The following CDC14B variants were observed in gnomAD, a reference collection of about 807,000 sequenced individuals.
CDC14B encodes the protein cell division cycle 14B, also known as dual specificity protein phosphatase CDC14B.
Under a neutral mutation model 64.2 loss-of-function variants are expected in CDC14B, and 22 were observed. The observed-to-expected ratio is 0.34, with a 90% CI of 0.24 to 0.49. The LOEUF (loss-of-function observed/expected upper bound fraction) is 0.49. Among genes scored for constraint, CDC14B ranks in the 20% least tolerant of loss-of-function variants. The probability of loss-of-function intolerance (pLI) is 0.99; values close to 1 mark genes in which losing one functional copy is unlikely to be tolerated. For synonymous variants in CDC14B, 191 were observed against 215.8 expected, an observed-to-expected ratio of 0.89 and a Z score of 1.01; for missense variants, 498 against 629.9, an observed-to-expected ratio of 0.79 and a Z score of 2.24.
intron 4 of CDC14B, 96 bp from the exon 5 acceptor site, chr9:96,551,968 G>A: frequency 1.4e-6 from 2 of 1,457,938 alleles, no homozygotes; most frequent in East Asian, 2.4e-5. Flanking sequence ...CCAACCAACT[G>A]AGCAGGGTTC....
At chr9:96,512,749 T>G (rs940414265) in intron 12 of CDC14B, among the ~76,000 whole-genome samples, 2 of 152,214 alleles carry the variant, frequency 1.3e-5, no homozygotes, top group African/African-American at 4.8e-5. Flanking sequence ...TCATTGCTAC[T>G]TCTGAAGCCC....
chr9:96,602,070 C>G (rs990405332), intron 1 of CDC14B, among the ~76,000 whole-genome samples: 4 of 151,882 alleles, frequency 2.6e-5, no homozygotes, highest in African/African-American at 9.7e-5. Context: ...AAAACAAAAA[C>G]AAAAACAAAA....
At chr9:96,568,545 C>G (rs961969196) in intron 1 of CDC14B, among the ~76,000 whole-genome samples, 5 of 152,154 alleles carry the variant, frequency 3.3e-5, no homozygotes, top group African/African-American at 1.2e-4. Flanking sequence ...CATCCGTCAC[C>G]TGTGGGTGGG....
intron 1 of CDC14B, 58 bp downstream of exon 1, chr9:96,619,161 G>C: frequency 8.3e-7 from 1 of 1,207,934 alleles, no homozygotes; most frequent in Non-Finnish European, 1.0e-6. Flanking sequence ...AGGTGGGCCA[G>C]GGCCCCGCGC....
intron 1 of CDC14B, among the ~76,000 whole-genome samples, chr9:96,579,756 G>T (rs1372050547): frequency 1.3e-5 from 2 of 152,108 alleles, no homozygotes; most frequent in African/African-American, 4.8e-5. Flanking sequence ...CTCCAGAATT[G>T]TAACAAAATA....
In CDC14B at chr9:96,551,867, T is replaced by C. The variant is rs1564316130; in HGVS notation, c.426A>G (p.Ile142Met). The change falls in exon 5 of 14, where the codon ATA becomes ATG. Residue 142 changes from isoleucine to methionine, a missense_variant. Ile to Met is a conservative substitution (Grantham distance 10). Coordinates refer to ENST00000375241, the MANE Select transcript of CDC14B (RefSeq NM_033331.4). Reference sequence around the variant, plus strand: ...CTTCTTCTGGGGTTCTCCCCAAATATATAACCTATGTTTGAAAAAAGAAGA... The same window carrying C: ...CTTCTTCTGGGGTTCTCCCCAAATACATAACCTATGTTTGAAAAAAGAAGA... ...AAFLVGCYMV[I>M]YLGRTPEEAY... 3 of 1,606,810 alleles carry C rather than the reference T, an allele frequency of 1.9e-6. No individual in the cohort carries two copies. Among genetic ancestry groups the C allele is most frequent in the Non-Finnish European group, 2.5e-6 (3 of 1,177,084 alleles).
intron 9 of CDC14B, among the ~76,000 whole-genome samples, chr9:96,533,301 C>T (rs1024885802): frequency 6.6e-6 from 1 of 152,178 alleles, no homozygotes; most frequent in African/African-American, 2.4e-5. Flanking sequence ...ATAGGCTATA[C>T]TTTCCTGTTT....
chr9:96,569,367 CA>C (rs57211203), intron 1 of CDC14B, among the ~76,000 whole-genome samples: 11,275 of 152,080 alleles, frequency 0.074, 1,337 homozygotes, highest in African/African-American at 0.25. Flanking sequence ...CAGTTTCTTT[CA>C]AAAAACCCAA....
chr9:96,606,062 G>A (rs1846896144), intron 1 of CDC14B, among the ~76,000 whole-genome samples: 1 of 150,794 alleles, frequency 6.6e-6, no homozygotes, highest in Non-Finnish European at 1.5e-5. Flanking sequence ...GCCCGGGAAT[G>A]GTGGCTCATG....
intron 1 of CDC14B, among the ~76,000 whole-genome samples, chr9:96,580,620 C>T (rs73656905): frequency 0.06 from 9,049 of 152,078 alleles, 905 homozygotes; most frequent in African/African-American, 0.21. Flanking sequence ...TGCATGTAAC[C>T]GGTAACCCAG....
chr9:96,514,709 G>A, intron 12 of CDC14B: 1 of 985,436 alleles, frequency 1.0e-6, no homozygotes, highest in Non-Finnish European at 1.2e-6. Flanking sequence ...TATGAGTTAA[G>A]GAAAAAGCTT....
intron 9 of CDC14B, among the ~76,000 whole-genome samples, chr9:96,532,454 G>A (rs73654895): frequency 0.052 from 7,924 of 152,160 alleles, 699 homozygotes; most frequent in African/African-American, 0.18. Flanking sequence ...ATGTTCACAT[G>A]GGCCTCTGAG....
chr9:96,494,242 C>T (rs939671042), intron 13 of CDC14B, among the ~76,000 whole-genome samples: 1 of 152,242 alleles, frequency 6.6e-6, no homozygotes, highest in Non-Finnish European at 1.5e-5. Flanking sequence ...AGTGAAAGGA[C>T]TAGTCCCTTG....
At chr9:96,573,702 A>G (rs1033868914) in intron 1 of CDC14B, among the ~76,000 whole-genome samples, 11 of 152,236 alleles carry the variant, frequency 7.2e-5, no homozygotes, top group Admixed American at 4.6e-4. Context: ...GAAACCTGAC[A>G]TGCTAATACA....
At chr9:96,550,027 CA>C (rs935446474) in intron 5 of CDC14B, among the ~76,000 whole-genome samples, 12 of 152,050 alleles carry the variant, frequency 7.9e-5, no homozygotes, top group Admixed American at 2.0e-4. Context: ...AGTGGCATCA[CA>C]AAAGATTACC....
chr9:96,589,916 G>GCAC (rs1845680456), intron 1 of CDC14B, among the ~76,000 whole-genome samples: 1 of 150,080 alleles, frequency 6.7e-6, no homozygotes, highest in Non-Finnish European at 1.5e-5. Context: ...AGCTGAGATT[G>GCAC]CACCACTGCA....
intron 12 of CDC14B, among the ~76,000 whole-genome samples, chr9:96,519,259 G>T (rs896130041): frequency 1.2e-4 from 19 of 152,280 alleles, no homozygotes; most frequent in African/African-American, 4.3e-4. Context: ...CTCAAGTTAT[G>T]CAATCTACCA....
intron 5 of CDC14B, among the ~76,000 whole-genome samples, chr9:96,542,707 C>T (rs896871739): frequency 1.3e-5 from 2 of 151,028 alleles, no homozygotes; most frequent in African/African-American, 4.9e-5. Context: ...GATACCAAGG[C>T]TGGTCTTAAA....
intron 4 of CDC14B, among the ~76,000 whole-genome samples, chr9:96,553,900 T>C (rs1842151270): frequency 6.6e-6 from 1 of 151,744 alleles, no homozygotes; most frequent in Non-Finnish European, 1.5e-5. Context: ...GTGCGGTGGC[T>C]CACGCCTGTA....
Sources: gnomAD v4.1 joint callset for allele counts (sites outside exome capture counted in the v4.1 genomes callset) on GRCh38, gnomAD v4.1.1 for gene constraint, MANE v1.5 for transcripts, NCBI Gene and HGNC (gene_info 2026-07-23, HGNC 2026-07-21) for gene names.